Variants in SHB observed in about 807,000 individuals in gnomAD.
SHB encodes SH2 domain containing adaptor protein B, also known as SH2 domain-containing adapter protein B.
Under a neutral mutation model 52.3 loss-of-function variants are expected in SHB, and 20 were observed. The ratio of observed to expected loss-of-function variants is 0.38; its 90% confidence interval spans 0.27 to 0.56. The LOEUF (loss-of-function observed/expected upper bound fraction) is 0.56. SHB is among the 20% of genes least tolerant of loss of function. The pLI, the probability that SHB is intolerant of heterozygous loss-of-function variation, is 0.71. For missense variants in SHB, 825 were observed against 723.3 expected, an observed-to-expected ratio of 1.14 and a Z score of -1.61; for synonymous variants, 397 against 316.5, an observed-to-expected ratio of 1.25 and a Z score of -2.70.
intron 2 of SHB, among the ~76,000 whole-genome samples, chr9:37,983,921 G>A (rs528359107): frequency 2.6e-5 from 4 of 152,312 alleles, no homozygotes; most frequent in Middle Eastern, 3.4e-3. Context: ...CAGGTGAACC[G>A]ACAGGCATAG....
In SHB at chr9:37,917,822, G is replaced by A. The variant is rs1186837009; in HGVS notation, c.*1999C>T. Among the ~76,000 whole-genome samples, 7 of 152,244 alleles carry A rather than the reference G, an allele frequency of 4.6e-5. No individual in the cohort carries two copies. Among genetic ancestry groups the A allele is most frequent in the East Asian group, 1.9e-4 (1 of 5,188 alleles). On this transcript the variant is annotated 3_prime_UTR_variant, in exon 6 of 6. Transcript: ENST00000377707. ...AGATTAAACCCAGGCCACAGCCAGC[G>A]TGGTCTCTATGAGGGCTGGGCCACG... is the stretch of plus-strand genomic sequence containing the variant.
intron 2 of SHB, among the ~76,000 whole-genome samples, chr9:38,005,168 G>C (rs1330427598): frequency 6.6e-6 from 1 of 152,212 alleles, no homozygotes; most frequent in Non-Finnish European, 1.5e-5. Context: ...GGACAGAATG[G>C]GGTGACGTGG....
intron 2 of SHB, among the ~76,000 whole-genome samples, chr9:37,990,162 C>T (rs1302970006): frequency 1.3e-5 from 2 of 152,002 alleles, no homozygotes; most frequent in Admixed American, 6.5e-5. Context: ...GGAGTCCCCT[C>T]TAGGTGCCCT....
chr9:37,940,125 C>A (rs763307787), intron 5 of SHB, among the ~76,000 whole-genome samples: 2 of 152,218 alleles, frequency 1.3e-5, no homozygotes, highest in African/African-American at 4.8e-5. Flanking sequence ...GAACCCAGGT[C>A]TCCTGGGCAT....
At chr9:37,941,766 G>A (rs1832436567) in intron 5 of SHB, among the ~76,000 whole-genome samples, 1 of 152,194 alleles carries the variant, frequency 6.6e-6, no homozygotes, top group Non-Finnish European at 1.5e-5. Flanking sequence ...GTCCCACTGT[G>A]GCCTTGCAGG....
At chr9:38,005,453 G>A (rs1821066340) in intron 2 of SHB, among the ~76,000 whole-genome samples, 3 of 152,106 alleles carry the variant, frequency 2.0e-5, no homozygotes, top group Non-Finnish European at 4.4e-5. Flanking sequence ...CTGAGGCACC[G>A]GCTACATTGC....
At chr9:38,027,041 C>G (rs936176526) in intron 1 of SHB, among the ~76,000 whole-genome samples, 1 of 152,240 alleles carries the variant, frequency 6.6e-6, no homozygotes, top group Non-Finnish European at 1.5e-5. Flanking sequence ...GTGAAGGGCC[C>G]TTCCCACCCT....
At chr9:37,938,927 T>C (rs1283562951) in intron 5 of SHB, among the ~76,000 whole-genome samples, 1 of 152,194 alleles carries the variant, frequency 6.6e-6, no homozygotes. Flanking sequence ...GCAGGGAGTC[T>C]GTTTTCCTGG....
At chr9:37,975,087 T>C (rs1022238827) in intron 2 of SHB, among the ~76,000 whole-genome samples, 1 of 152,160 alleles carries the variant, frequency 6.6e-6, no homozygotes, top group Non-Finnish European at 1.5e-5. Flanking sequence ...CATCCACTCA[T>C]GAATCTCAGG....
In SHB at chr9:37,992,880, AAC is replaced by A. The variant is rs4008196; in HGVS notation, c.839-18045_839-18044del. On this transcript the variant is annotated intron_variant, in intron 2 of 5. Coordinates refer to ENST00000377707, the MANE Select transcript of SHB (RefSeq NM_003028.3). ...ACGTATATGCATGCACACACACACA[AAC>A]ACACACACACACACACAGTCTCACA... 1.5e-3 allele frequency among the ~76,000 whole-genome samples: 222 copies of A among 150,458 alleles called. 2 individuals are homozygous for A. The highest frequency in any genetic ancestry group is 4.9e-3 in the Admixed American group (74 of 15,158).
intron 3 of SHB, among the ~76,000 whole-genome samples, chr9:37,958,001 G>A (rs1832654676): frequency 6.6e-6 from 1 of 152,166 alleles, no homozygotes; most frequent in African/African-American, 2.4e-5. Flanking sequence ...CCTAGTCTTG[G>A]GAAGGACTCT....
At chr9:38,057,103 C>A (rs1821831528) in intron 1 of SHB, among the ~76,000 whole-genome samples, 1 of 152,168 alleles carries the variant, frequency 6.6e-6, no homozygotes, top group Non-Finnish European at 1.5e-5. Context: ...TAATCACAGA[C>A]CTATGCAAAG....
intron 2 of SHB, among the ~76,000 whole-genome samples, chr9:38,007,799 C>T (rs1325978189): frequency 6.6e-6 from 1 of 151,164 alleles, no homozygotes; most frequent in African/African-American, 2.4e-5. Flanking sequence ...ATGTAATATG[C>T]TAAATAATGA....
chr9:37,972,427 T>C (rs549519874), intron 3 of SHB, among the ~76,000 whole-genome samples: 1 of 152,288 alleles, frequency 6.6e-6, no homozygotes, highest in Non-Finnish European at 1.5e-5. Flanking sequence ...ACTCTTATCT[T>C]TGGCTCTCGG....
At chr9:38,032,040 T>G (rs1821422510) in intron 1 of SHB, among the ~76,000 whole-genome samples, 1 of 151,966 alleles carries the variant, frequency 6.6e-6, no homozygotes, top group African/African-American at 2.4e-5. Flanking sequence ...GGGGGCTGAG[T>G]CCCAGAGCCT....
chr9:38,066,396 C>A (rs1473150915), intron 1 of SHB, among the ~76,000 whole-genome samples: 1 of 152,174 alleles, frequency 6.6e-6, no homozygotes, highest in African/African-American at 2.4e-5. Context: ...GTGCCTGCAC[C>A]AAGCCAAGCT....
At chr9:37,924,231 C>T (rs1360930394) in intron 5 of SHB, among the ~76,000 whole-genome samples, 1 of 152,218 alleles carries the variant, frequency 6.6e-6, no homozygotes, top group Non-Finnish European at 1.5e-5. Flanking sequence ...TCCTCATCAT[C>T]AGGATTATCA....
rs1832485047 is a variant in SHB at position 37,945,872 on chromosome 9, G to A, written c.1346+2763C>T. Among the ~76,000 whole-genome samples the A allele has an allele frequency of 2.0e-5, 3 of 152,174 alleles. 1 individual carries two copies. The South Asian group carries it at 6.2e-4, about 31-fold the overall frequency. ...CCCATCAAAGCCCAACTCCCCACTGGACAGATGTAGGGGAAGAAACTTGGT... is the reference window on the plus strand; with the variant it reads ...CCCATCAAAGCCCAACTCCCCACTGAACAGATGTAGGGGAAGAAACTTGGT... On this transcript the variant is annotated intron_variant, in intron 5 of 5. Coordinates refer to ENST00000377707, the MANE Select transcript of SHB (RefSeq NM_003028.3).
chr9:37,929,341 CAG>C (rs772270401), intron 5 of SHB, among the ~76,000 whole-genome samples: 61 of 152,216 alleles, frequency 4.0e-4, no homozygotes, highest in Non-Finnish European at 6.3e-4. Flanking sequence ...TGACGTGAAA[CAG>C]GGGGCTGGCA....
Sources: allele counts gnomAD v4.1 joint callset (sites outside exome capture counted in the v4.1 genomes callset), GRCh38; gene constraint gnomAD v4.1.1; transcripts MANE v1.5; gene names NCBI Gene and HGNC (gene_info 2026-07-23, HGNC 2026-07-21).